Variants in GFPT1 observed in about 807,000 individuals in gnomAD.
GFPT1 encodes the protein glutamine--fructose-6-phosphate aminotransferase [isomerizing] 1.
A neutral mutation model predicts 92.0 loss-of-function variants in GFPT1; 40 were observed. The observed-to-expected ratio is 0.43, with a 90% CI of 0.34 to 0.57. The LOEUF (loss-of-function observed/expected upper bound fraction) is 0.57, where lower values mean the gene tolerates loss of function less well. GFPT1 is among the 20% of genes least tolerant of loss of function. The probability of loss-of-function intolerance (pLI) is 0.02; values close to 1 mark genes in which losing one functional copy is unlikely to be tolerated. For synonymous variants in GFPT1, 269 were observed against 280.6 expected (o/e 0.96, Z 0.41); for missense variants, 448 against 869.1 (o/e 0.52, Z 6.09).
intron 2 of GFPT1, among the ~76,000 whole-genome samples, chr2:69,373,740 C>T (rs550932209): frequency 5.1e-4 from 78 of 152,200 alleles, no homozygotes; most frequent in Non-Finnish European, 9.4e-4. Flanking sequence ...AAGACCTTCA[C>T]GAATTTTGTT....
chr2:69,351,906 T>A (rs1376121276), intron 9 of GFPT1, among the ~76,000 whole-genome samples: 1 of 152,226 alleles, frequency 6.6e-6, no homozygotes. Context: ...GTGGTACTTA[T>A]GCAATTTCGC....
chr2:69,340,359 A>G (rs1023704724), intron 13 of GFPT1, among the ~76,000 whole-genome samples: 9 of 152,080 alleles, frequency 5.9e-5, no homozygotes, highest in Non-Finnish European at 1.3e-4. Context: ...ACAAAATGAC[A>G]TATTTCCATC....
chr2:69,336,370 A>G (rs1212810942), intron 15 of GFPT1, among the ~76,000 whole-genome samples: 4 of 151,338 alleles, frequency 2.6e-5, no homozygotes, highest in Admixed American at 6.6e-5. Context: ...AAAGAAAAAG[A>G]AAAGAAGAAT....
chr2:69,367,670 TA>T, intron 3 of GFPT1, among the ~76,000 whole-genome samples: 1 of 152,228 alleles, frequency 6.6e-6, no homozygotes, highest in South Asian at 2.1e-4. Flanking sequence ...ACACACAACT[TA>T]TTATATCATC....
At chr2:69,328,123 G>C in intron 18 of GFPT1, 148 bp downstream of exon 18, 1 of 519,152 alleles carries the variant, frequency 1.9e-6, no homozygotes. Flanking sequence ...AAACTCTTAA[G>C]TATCTGATTC....
chr2:69,379,309 T>C (rs1453434833), intron 1 of GFPT1, among the ~76,000 whole-genome samples: 2 of 151,986 alleles, frequency 1.3e-5, no homozygotes, highest in African/African-American at 2.4e-5. Context: ...GGGAGGATCA[T>C]GGGCAGGAGT....
intron 13 of GFPT1, among the ~76,000 whole-genome samples, chr2:69,340,788 C>CA (rs945581876): frequency 6.6e-6 from 1 of 152,120 alleles, no homozygotes; most frequent in African/African-American, 2.4e-5. Context: ...CACAAAACAA[C>CA]AAAAAATCTT....
intron 15 of GFPT1, among the ~76,000 whole-genome samples, chr2:69,335,109 G>T (rs13026810): frequency 6.6e-6 from 1 of 152,008 alleles, no homozygotes; most frequent in South Asian, 2.1e-4. Flanking sequence ...CAGGCTCAAG[G>T]GATCCTCGTG....
intron 6 of GFPT1, among the ~76,000 whole-genome samples, chr2:69,358,128 A>C (rs946817309): frequency 8.5e-5 from 13 of 152,234 alleles, no homozygotes; most frequent in African/African-American, 3.1e-4. Flanking sequence ...ACCTGAATGA[A>C]GTAAGTAGAA....
intron 17 of GFPT1, 34 bp downstream of exon 17, chr2:69,329,263 T>G (rs760798241): frequency 6.2e-7 from 1 of 1,604,976 alleles, no homozygotes; most frequent in Non-Finnish European, 8.5e-7. Context: ...TGCAGGTCAA[T>G]GGACTGATAC....
chr2:69,354,132 C>T, intron 9 of GFPT1, 127 bp downstream of exon 9: 1 of 555,034 alleles, frequency 1.8e-6, no homozygotes, highest in Admixed American at 3.5e-5. Flanking sequence ...TCAAAATATG[C>T]TTCCCCACAA....
At chr2:69,337,307 C>T (rs1286545095) in intron 15 of GFPT1, among the ~76,000 whole-genome samples, 1 of 151,976 alleles carries the variant, frequency 6.6e-6, no homozygotes, top group South Asian at 2.1e-4. Flanking sequence ...TCAAATGATC[C>T]GCCCGCCTCA....
At chr2:69,370,786 G>T (rs1461675925) in intron 2 of GFPT1, among the ~76,000 whole-genome samples, 8 of 152,222 alleles carry the variant, frequency 5.3e-5, no homozygotes, top group Non-Finnish European at 1.0e-4. Context: ...GGAGAAGTGT[G>T]GAATACCTCA....
chr2:69,328,148 T>C (rs1670576183), intron 18 of GFPT1, 123 bp downstream of exon 18: 1 of 664,012 alleles, frequency 1.5e-6, no homozygotes, highest in Non-Finnish European at 2.8e-6. Flanking sequence ...CATGTAAACC[T>C]CAAAGGCTGT....
intron 1 of GFPT1, among the ~76,000 whole-genome samples, chr2:69,378,999 G>C (rs1671943730): frequency 6.6e-6 from 1 of 152,094 alleles, no homozygotes; most frequent in Admixed American, 6.6e-5. Flanking sequence ...TGTAATCCCA[G>C]CACTGTGGGA....
At position 69,336,992 on chromosome 2, in the gene GFPT1, A is replaced by G. The variant is rs917417326; in HGVS notation, c.1482+906T>C. On this transcript the variant is annotated intron_variant, in intron 15 of 19. Coordinates refer to ENST00000357308, the MANE Select transcript of GFPT1 (RefSeq NM_001244710.2). ...AGTACCTTTAAACCTCCCCAGAGCA[A>G]TATCTAAAGAGAAAGATATTGTCAT... Among the ~76,000 whole-genome samples the G allele has an allele frequency of 2.0e-5, 3 of 152,170 alleles. No individual in the cohort carries two copies. The South Asian group carries it at 6.2e-4, about 32-fold the overall frequency.
intron 2 of GFPT1, among the ~76,000 whole-genome samples, chr2:69,372,286 T>C (rs7595415): frequency 1.7e-4 from 25 of 151,194 alleles, no homozygotes; most frequent in African/African-American, 5.8e-4. Context: ...GAAAAGAATA[T>C]TGGCTGGGTG....
At chr2:69,381,802 C>T (rs955031943) in intron 1 of GFPT1, among the ~76,000 whole-genome samples, 8 of 151,930 alleles carry the variant, frequency 5.3e-5, no homozygotes, top group African/African-American at 1.9e-4. Flanking sequence ...AATCCTCCTG[C>T]CTCAGCTTCC....
intron 18 of GFPT1, 130 bp from the exon 19 acceptor site, chr2:69,327,205 G>A (rs1670552828): frequency 1.3e-6 from 1 of 777,056 alleles, no homozygotes; most frequent in Non-Finnish European, 2.3e-6. Context: ...TTAAATTCCT[G>A]TGTAGTAAAT....
Sources: gnomAD v4.1 joint callset for allele counts (sites outside exome capture counted in the v4.1 genomes callset) on GRCh38, gnomAD v4.1.1 for gene constraint, MANE v1.5 for transcripts, NCBI Gene and HGNC (gene_info 2026-07-23, HGNC 2026-07-21) for gene names.